Variants in MAN1A2 observed in about 807,000 individuals in gnomAD.
The protein encoded by MAN1A2 is mannosyl-oligosaccharide 1,2-alpha-mannosidase IB.
A neutral mutation model predicts 75.7 loss-of-function variants in MAN1A2; 26 were observed. The observed-to-expected ratio is 0.34, with a 90% CI of 0.25 to 0.48. The LOEUF (loss-of-function observed/expected upper bound fraction) is 0.48. Ranked by LOEUF, MAN1A2 falls within the 20% of genes least tolerant of loss-of-function variation. The pLI is 0.99. For missense variants in MAN1A2, 562 were observed against 775.5 expected, an observed-to-expected ratio of 0.72 and a Z score of 3.27; for synonymous variants, 247 against 264.6, an observed-to-expected ratio of 0.93 and a Z score of 0.65.
At chr1:117,421,069 A>G (rs1377280916) in intron 5 of MAN1A2, among the ~76,000 whole-genome samples, 1 of 152,108 alleles carries the variant, frequency 6.6e-6, no homozygotes, top group African/African-American at 2.4e-5. Flanking sequence ...GTTTTTGGCT[A>G]TAAATAATAA....
rs1192969453 is a variant in MAN1A2 at position 117,525,171 on chromosome 1, A to G, written c.*2214A>G. 1 of 520,176 alleles carries G rather than the reference A, an allele frequency of 1.9e-6. No homozygotes were observed. The highest frequency in any genetic ancestry group is 3.9e-6 in the Non-Finnish European group (1 of 253,410). The allele number at this position is 520,176 out of a possible 1,614,324, so 32.2% of individuals were successfully genotyped here. ...ACCCAGATGACTGAAGCTTAAGAGA[A>G]GGCAGGGAAGTATACAAGCAGAGCC... On this transcript the variant is annotated 3_prime_UTR_variant, in exon 13 of 13. Transcript: ENST00000356554.
chr1:117,409,305 A>T (rs898615345), intron 3 of MAN1A2, among the ~76,000 whole-genome samples: 18 of 152,062 alleles, frequency 1.2e-4, no homozygotes, highest in African/African-American at 4.3e-4. Flanking sequence ...AGGTTTTGAT[A>T]TATTTTCATT....
chr1:117,410,719 G>A (rs543366188), intron 3 of MAN1A2, among the ~76,000 whole-genome samples: 1 of 151,128 alleles, frequency 6.6e-6, no homozygotes, highest in African/African-American at 2.4e-5. Flanking sequence ...CCTAGGGAAT[G>A]TACCCAAAAA....
chr1:117,429,867 C>T, intron 5 of MAN1A2, among the ~76,000 whole-genome samples: 1 of 76,752 alleles, frequency 1.3e-5, no homozygotes, highest in African/African-American at 5.0e-5. Context: ...CCGACCCCCC[C>T]ACCTCCCTCC....
intron 6 of MAN1A2, among the ~76,000 whole-genome samples, chr1:117,445,872 G>GTATATATATATATATATA (rs1300576603): frequency 1.9e-4 from 22 of 114,080 alleles, no homozygotes; most frequent in Non-Finnish European, 3.4e-4. Context: ...GTGTGTGTGT[G>GTATATATATATATATATA]TCTGTGTGTG....
chr1:117,431,016 C>G (rs371244207), intron 5 of MAN1A2, among the ~76,000 whole-genome samples: 2,350 of 129,184 alleles, frequency 0.018, 28 homozygotes, highest in East Asian at 0.047. Flanking sequence ...GAGACCGGCC[C>G]GGCCAACACA....
intron 1 of MAN1A2, among the ~76,000 whole-genome samples, 178 bp from the exon 2 acceptor site, chr1:117,402,008 G>T (rs1647446812): frequency 6.6e-6 from 1 of 152,056 alleles, no homozygotes; most frequent in Admixed American, 6.6e-5. Context: ...GGCATCCAGG[G>T]TTCCTTTTCT....
At chr1:117,483,739 C>T (rs1650575866) in intron 8 of MAN1A2, among the ~76,000 whole-genome samples, 1 of 152,100 alleles carries the variant, frequency 6.6e-6, no homozygotes, top group Non-Finnish European at 1.5e-5. Context: ...TTTCTCTTGC[C>T]TGATTGCCCT....
intron 9 of MAN1A2, chr1:117,495,043 C>T (rs1052923367): frequency 6.6e-6 from 1 of 151,000 alleles, no homozygotes; most frequent in African/African-American, 2.4e-5. Context: ...TTGACTTTTG[C>T]TTAATTTTTT....
chr1:117,414,791 A>G lies in MAN1A2; in HGVS notation c.734A>G (p.Asp245Gly), dbSNP rs767302157. Residue 245 changes from aspartate (D) to glycine (G), a missense_variant, in exon 4 of 13, where the codon GAT becomes GGT. Around this residue, in one of 2 missense-constraint regions of MAN1A2, gnomAD observed 434 missense variants for 645.7 expected, o/e 0.67. Transcript: ENST00000356554. ...YIMGLHDEFL[D>G]GQRWIEDNLD... The stretch of plus-strand genomic sequence containing the variant: ...ATGGGACTTCATGATGAATTCCTAG[A>G]TGGGCAAAGATGGATTGAAGACAAC... 8 of 1,609,312 alleles carry G rather than the reference A, an allele frequency of 5.0e-6. No homozygotes were observed. In the South Asian group the frequency reaches 8.8e-5, roughly 18 times the overall value.
intron 1 of MAN1A2, among the ~76,000 whole-genome samples, chr1:117,375,630 C>G (rs1444732942): frequency 6.6e-6 from 1 of 152,078 alleles, no homozygotes; most frequent in Non-Finnish European, 1.5e-5. Context: ...TTATTATGTA[C>G]CAGGCATTTT....
rs527736048 is a variant in MAN1A2 at position 117,401,141 on chromosome 1, A to G, written c.303-1045A>G. Among the ~76,000 whole-genome samples the G allele has an allele frequency of 2.4e-4, 36 of 150,930 alleles. No homozygotes were observed. In the South Asian group the frequency reaches 7.1e-3, roughly 30 times the overall value. ...ATTTGTCTTTTTGTGACCAGCTTGT[A>G]TAAAGGTTTTTTTTTTTTTTTCAGT... On this transcript the variant is annotated intron_variant, in intron 1 of 12. Coordinates refer to ENST00000356554, the MANE Select transcript of MAN1A2 (RefSeq NM_006699.5).
chr1:117,402,656 A>G (rs1002147717), intron 2 of MAN1A2, among the ~76,000 whole-genome samples: 1 of 151,224 alleles, frequency 6.6e-6, no homozygotes. Flanking sequence ...AATATTTTTG[A>G]TACAACTTTT....
At chr1:117,474,446 A>G (rs562148322) in intron 8 of MAN1A2, among the ~76,000 whole-genome samples, 3 of 149,986 alleles carry the variant, frequency 2.0e-5, no homozygotes, top group South Asian at 4.2e-4. Context: ...TAAGTTTTCT[A>G]TGTAACCCCT....
chr1:117,522,838 C>T lies in MAN1A2; in HGVS notation c.1807C>T (p.Leu603=), dbSNP rs1288187613. ...TTTTATTTTCAGATATTTGTATCTGCTGTTCTCCGGTGATGACCTTTTACC... is the reference window on the plus strand; with the variant it reads ...TTTTATTTTCAGATATTTGTATCTGTTGTTCTCCGGTGATGACCTTTTACC... The part of the protein sequence containing the change: ...LAETLKYLYL[L]FSGDDLLPLD... The change falls in exon 13 of 13, where the codon CTG becomes TTG. Residue 603 remains leucine (L), a synonymous_variant. Transcript: ENST00000356554. 3.1e-6 allele frequency: 5 copies of T among 1,610,680 alleles called. No homozygotes were observed. The highest frequency in any genetic ancestry group is 1.7e-6 in the Non-Finnish European group (2 of 1,177,978).
At chr1:117,452,879 G>A (rs1426257677) in intron 6 of MAN1A2, among the ~76,000 whole-genome samples, 1 of 152,236 alleles carries the variant, frequency 6.6e-6, no homozygotes, top group Non-Finnish European at 1.5e-5. Flanking sequence ...TAGCTAAAGA[G>A]AAGTCAATGC....
At chr1:117,511,282 C>T (rs1183629309) in intron 12 of MAN1A2, among the ~76,000 whole-genome samples, 4 of 152,016 alleles carry the variant, frequency 2.6e-5, no homozygotes, top group African/African-American at 9.7e-5. Context: ...GATTACAATT[C>T]GAGATGAGAT....
chr1:117,514,799 C>T (rs1426307297), intron 12 of MAN1A2: 2 of 530,264 alleles, frequency 3.8e-6, no homozygotes, highest in Non-Finnish European at 7.7e-6. Flanking sequence ...AAAACAAAGC[C>T]ACTATTTCCT....
At chr1:117,494,914 C>T (rs950963736) in intron 9 of MAN1A2, 3 of 151,490 alleles carry the variant, frequency 2.0e-5, no homozygotes, top group East Asian at 1.9e-4. Context: ...ATAAGTATTC[C>T]GTAGTATTTG....
Sources: gnomAD v4.1 joint callset for allele counts (sites outside exome capture counted in the v4.1 genomes callset) on GRCh38, gnomAD v4.1.1 for gene constraint, gnomAD v4.1.1 regional missense constraint, MANE v1.5 for transcripts, NCBI Gene and HGNC (gene_info 2026-07-23, HGNC 2026-07-21) for gene names.